Variants in PPARG observed in about 807,000 individuals in gnomAD.
PPARG encodes peroxisome proliferator activated receptor gamma, also known as peroxisome proliferator-activated receptor gamma.
PPARG carries 17 observed loss-of-function variants against 39.2 expected under a neutral mutation model. The observed-to-expected ratio is 0.43, with a 90% CI of 0.30 to 0.65. The LOEUF is 0.65. Among genes scored for constraint, PPARG ranks in the 30% least tolerant of loss-of-function variants. PPARG has a pLI of 0.13. For synonymous variants in PPARG, 223 were observed against 215.7 expected (o/e 1.03, Z -0.30); for missense variants, 406 against 585.9 (o/e 0.69, Z 3.17).
At chr3:12,314,858 T>C (rs2047346660) in intron 2 of PPARG, among the ~76,000 whole-genome samples, 1 of 152,202 alleles carries the variant, frequency 6.6e-6, no homozygotes, top group Non-Finnish European at 1.5e-5. Context: ...ATTGTACATA[T>C]TTATGTGGTA....
chr3:12,342,966 A>G (rs1246723430), intron 2 of PPARG, among the ~76,000 whole-genome samples: 4 of 152,232 alleles, frequency 2.6e-5, no homozygotes, highest in African/African-American at 7.2e-5. Context: ...AAGATTTAAC[A>G]TATGTAAACT....
At chr3:12,433,102 C>G (rs1407730514) in intron 7 of PPARG, among the ~76,000 whole-genome samples, 2 of 152,158 alleles carry the variant, frequency 1.3e-5, no homozygotes, top group Non-Finnish European at 2.9e-5. Context: ...CCATATTAAG[C>G]AAACATAGCA....
At chr3:12,311,961 T>C (rs2047258858) in intron 1 of PPARG, among the ~76,000 whole-genome samples, 1 of 152,240 alleles carries the variant, frequency 6.6e-6, no homozygotes, top group Middle Eastern at 3.2e-3. Context: ...GTATAACTTC[T>C]CAAACATTAA....
Position 12,365,106 on chromosome 3 carries a change from G to A in PPARG, c.-8-14598G>A, listed in dbSNP as rs575638319. Among the ~76,000 whole-genome samples the A allele has an allele frequency of 3.9e-5, 6 of 152,204 alleles. No individual in the cohort carries two copies. The South Asian group carries it at 6.2e-4, about 16-fold the overall frequency. On this transcript the variant is annotated intron_variant, in intron 2 of 7. Transcript: ENST00000651735. ...GGAGTGTGCAACCTAGATCCCTTGCGTGCACAGTTCACAATAGGGTTTGTG... is the reference window on the plus strand; with the variant it reads ...GGAGTGTGCAACCTAGATCCCTTGCATGCACAGTTCACAATAGGGTTTGTG...
At chr3:12,381,250 G>A in intron 3 of PPARG, 72 bp from the exon 4 acceptor site, 2 of 1,424,156 alleles carry the variant, frequency 1.4e-6, no homozygotes, top group Middle Eastern at 2.0e-4. Context: ...GTGTACTATG[G>A]TGGCTTGCCC....
chr3:12,329,237 A>G (rs1407435040), intron 2 of PPARG, among the ~76,000 whole-genome samples: 1 of 151,860 alleles, frequency 6.6e-6, no homozygotes, highest in Non-Finnish European at 1.5e-5. Flanking sequence ...TTCTGATGTC[A>G]ATCACTCATT....
intron 5 of PPARG, among the ~76,000 whole-genome samples, chr3:12,404,944 G>A (rs138431838): frequency 1.3e-5 from 2 of 152,146 alleles, no homozygotes; most frequent in African/African-American, 2.4e-5. Flanking sequence ...CCATAAAAAC[G>A]CATGGCTGTG....
intron 5 of PPARG, among the ~76,000 whole-genome samples, chr3:12,398,715 C>T (rs751432307): frequency 4.6e-5 from 7 of 152,032 alleles, no homozygotes; most frequent in Non-Finnish European, 8.8e-5. Flanking sequence ...AATAAGAGGG[C>T]GGAGATGGTC....
At chr3:12,337,400 T>C (rs116465908) in intron 2 of PPARG, among the ~76,000 whole-genome samples, 3,175 of 152,158 alleles carry the variant, frequency 0.021, 104 homozygotes, top group African/African-American at 0.073. Context: ...GGAGGACAGG[T>C]GGGTGTGTGG....
chr3:12,328,235 GAAC>G, intron 2 of PPARG: 2 of 1,534,506 alleles, frequency 1.3e-6, no homozygotes, highest in Non-Finnish European at 1.8e-6. Context: ...AGGAAGCTGA[GAAC>G]AACATCCGGG....
chr3:12,347,212 T>C (rs1186049905), intron 2 of PPARG, among the ~76,000 whole-genome samples: 1 of 148,374 alleles, frequency 6.7e-6, no homozygotes, highest in East Asian at 2.0e-4. Context: ...CAGCTGAGTG[T>C]GGTGGCGAGC....
rs559701543 is a variant in PPARG at position 12,428,778 on chromosome 3, G to A, written c.1181-5120G>A. 2.0e-4 allele frequency among the ~76,000 whole-genome samples: 31 copies of A among 152,296 alleles called. No homozygotes were observed. In the South Asian group the frequency reaches 4.8e-3, roughly 23 times the overall value. On this transcript the variant is annotated intron_variant, in intron 7 of 7. Coordinates refer to ENST00000651735, the MANE Select transcript of PPARG (RefSeq NM_138711.6). The stretch of plus-strand genomic sequence containing the variant: ...CTAGAGCTTAAAGACCAAAGGAAGC[G>A]TTCTTGTTTTTAAGTAAGTCAGGTG...
chr3:12,379,112 T>C lies in PPARG; in HGVS notation c.-8-592T>C, dbSNP rs370146482. ...ACCTCTGCCTCCCAGGTTCAAGTGA[T>C]TCTCCTGTCTCAGTCTCCCAAGTAG... On this transcript the variant is annotated intron_variant, in intron 2 of 7. Transcript: ENST00000651735. Among the ~76,000 whole-genome samples the C allele has an allele frequency of 1.7e-4, 26 of 152,224 alleles. No individual in the cohort carries two copies. In the East Asian group the frequency reaches 2.5e-3, roughly 15 times the overall value.
intron 6 of PPARG, among the ~76,000 whole-genome samples, chr3:12,412,363 G>A (rs1336618781): frequency 5.9e-5 from 9 of 151,966 alleles, no homozygotes; most frequent in Admixed American, 5.9e-4. Context: ...GCATGCCATA[G>A]ATCTATAATT....
chr3:12,325,696 A>G (rs1428195145), intron 2 of PPARG, among the ~76,000 whole-genome samples: 3 of 149,784 alleles, frequency 2.0e-5, no homozygotes, highest in Admixed American at 6.6e-5. Context: ...AATCTCTTCC[A>G]TGACAATTCA....
At chr3:12,402,994 G>C (rs377213822) in intron 5 of PPARG, among the ~76,000 whole-genome samples, 2 of 152,146 alleles carry the variant, frequency 1.3e-5, no homozygotes, top group African/African-American at 4.8e-5. Flanking sequence ...TATAAATACT[G>C]TATAAATAGT....
intron 7 of PPARG, 139 bp downstream of exon 7, chr3:12,417,293 C>CTGTA: frequency 1.1e-6 from 1 of 881,642 alleles, no homozygotes; most frequent in Non-Finnish European, 1.8e-6. Flanking sequence ...CATCACTACA[C>CTGTA]GTGCAAAACA....
At chr3:12,339,144 C>T (rs2125065286) in intron 2 of PPARG, among the ~76,000 whole-genome samples, 2 of 152,196 alleles carry the variant, frequency 1.3e-5, no homozygotes, top group Admixed American at 1.3e-4. Context: ...CAACCTGAAC[C>T]TCCAGACTCA....
intron 2 of PPARG, among the ~76,000 whole-genome samples, chr3:12,332,636 C>T (rs911368983): frequency 3.3e-5 from 5 of 152,118 alleles, no homozygotes; most frequent in Non-Finnish European, 7.4e-5. Flanking sequence ...TTAATGTCAT[C>T]CAAATAGATT....
Sources: allele counts gnomAD v4.1 joint callset (sites outside exome capture counted in the v4.1 genomes callset), GRCh38; gene constraint gnomAD v4.1.1; transcripts MANE v1.5; gene names NCBI Gene and HGNC (gene_info 2026-07-23, HGNC 2026-07-21).